Variants in ADIPOQ observed in about 807,000 individuals in gnomAD.
The protein encoded by ADIPOQ is adiponectin, C1Q and collagen domain containing.
A neutral mutation model predicts 16.1 loss-of-function variants in ADIPOQ; 19 were observed. That is an observed-to-expected ratio of 1.18 (90% CI 0.82 to 1.73). ADIPOQ has a LOEUF of 1.73. Ranked by LOEUF, ADIPOQ falls within the 40% of genes most tolerant of loss-of-function variation. ADIPOQ has a pLI of 0.00. For missense variants in ADIPOQ, 323 were observed against 308.3 expected, an observed-to-expected ratio of 1.05 and a Z score of -0.36; for synonymous variants, 124 against 125.5, an observed-to-expected ratio of 0.99 and a Z score of 0.08.
rs1037240164 is a variant in ADIPOQ, at chr3:186,845,110, G to T, written c.-9+2361G>T. Among the ~76,000 whole-genome samples, 9 of 151,604 alleles carry T rather than the reference G, an allele frequency of 5.9e-5. No individual in the cohort carries two copies. In the South Asian group the frequency reaches 6.3e-4, roughly 11 times the overall value. ...CATTTGGATGGGTGTGTATGTGTGGGGGGGGGTGGTGCGTACGTATGTGGA... is the reference window on the plus strand; with the variant it reads ...CATTTGGATGGGTGTGTATGTGTGGTGGGGGGTGGTGCGTACGTATGTGGA... On this transcript the variant is annotated intron_variant, in intron 1 of 2. Transcript: ENST00000320741.
intron 1 of ADIPOQ, among the ~76,000 whole-genome samples, chr3:186,849,184 C>T (rs906736533): frequency 1.3e-5 from 2 of 152,226 alleles, no homozygotes; most frequent in African/African-American, 2.4e-5. Flanking sequence ...ATCTCTGGGG[C>T]TTTCACATAT....
chr3:186,843,732 G>A (rs1477130319), intron 1 of ADIPOQ, among the ~76,000 whole-genome samples: 2 of 151,432 alleles, frequency 1.3e-5, no homozygotes, highest in Non-Finnish European at 2.9e-5. Context: ...CTGGCATATA[G>A]TGGCAACTTA....
intron 1 of ADIPOQ, among the ~76,000 whole-genome samples, chr3:186,844,264 C>CA (rs1012609687): frequency 6.6e-6 from 1 of 152,100 alleles, no homozygotes; most frequent in East Asian, 1.9e-4. Flanking sequence ...TCTCCTGCCT[C>CA]AGTCTCCCAA....
At chr3:186,853,413 T>C in intron 2 of ADIPOQ, 141 bp downstream of exon 2, 1 of 1,115,678 alleles carries the variant, frequency 9.0e-7, no homozygotes, top group Non-Finnish European at 1.3e-6. Flanking sequence ...CTGAAGTGAT[T>C]TGGGGTTGGT....
chr3:186,854,324 T>C lies in ADIPOQ; in HGVS notation c.355T>C (p.Leu119=), dbSNP rs146386537. ...ATACCGCTCAGCATTCAGTGTGGGA[T>C]TGGAGACTTACGTTACTATCCCCAA... The part of the protein sequence containing the change: ...YVYRSAFSVG[L]ETYVTIPNMP... Residue 119 remains leucine (L), a synonymous_variant, in exon 3 of 3, where the codon TTG becomes CTG. Transcript: ENST00000320741. 57 of 1,614,192 alleles carry C rather than the reference T, an allele frequency of 3.5e-5. No individual in the cohort carries two copies. Among genetic ancestry groups the C allele is most frequent in the Non-Finnish European group, 4.4e-5 (52 of 1,180,018 alleles).
chr3:186,844,511 CAA>C (rs33955672), intron 1 of ADIPOQ, among the ~76,000 whole-genome samples: 17,693 of 122,320 alleles, frequency 0.14, 1,402 homozygotes, highest in East Asian at 0.26. Flanking sequence ...AACTCCATCT[CAA>C]AAAAAAAAAA....
In ADIPOQ at chr3:186,851,524, GGCTTTT is replaced by G. The variant is rs1164330157; in HGVS notation, c.-8-1525_-8-1520del. ...TCAAAGAATGATTTTGAGACAGGGA[GGCTTTT>G]GACTACCTGTGCCACTTGAGCTCTT... On this transcript the variant is annotated intron_variant, in intron 1 of 2. Coordinates refer to ENST00000320741, the MANE Select transcript of ADIPOQ (RefSeq NM_004797.4). 9.2e-5 allele frequency among the ~76,000 whole-genome samples: 14 copies of G among 152,174 alleles called. No homozygotes were observed. The East Asian group carries it at 2.7e-3, about 29-fold the overall frequency.
In ADIPOQ at chr3:186,843,626, A is replaced by G. The variant is rs558701297; in HGVS notation, c.-9+877A>G. Among the ~76,000 whole-genome samples the G allele has an allele frequency of 2.3e-4, 33 of 143,936 alleles. No homozygotes were observed. In the Admixed American group the frequency reaches 2.4e-3, roughly 10 times the overall value. 94.4% of individuals were successfully genotyped at this position (143,936 alleles called of 152,430 possible). On this transcript the variant is annotated intron_variant, in intron 1 of 2. Transcript: ENST00000320741. The stretch of plus-strand genomic sequence containing the variant: ...AGTGAGCCGAGATTGTTGCCACTGC[A>G]TTCCAGCCTGGGTGACAGAGCGAGA...
At chr3:186,848,077 G>C (rs187318507) in intron 1 of ADIPOQ, among the ~76,000 whole-genome samples, 353 of 152,074 alleles carry the variant, frequency 2.3e-3, no homozygotes, top group African/African-American at 8.1e-3. Context: ...GGAGGGTGAG[G>C]CAGGAGCATC....
chr3:186,855,064 C>T lies in ADIPOQ; in HGVS notation c.*360C>T, dbSNP rs1711946724. On this transcript the variant is annotated 3_prime_UTR_variant, in exon 3 of 3. Coordinates refer to ENST00000320741, the MANE Select transcript of ADIPOQ (RefSeq NM_004797.4). ...GAGGCTGAGAGAGTTAAGTGAATGT[C>T]TAAGGTCACACAGTATTAAGTGACA... 1 of 306,930 alleles carries T rather than the reference C, an allele frequency of 3.3e-6. No individual in the cohort carries two copies. Among genetic ancestry groups the T allele is most frequent in the Non-Finnish European group, 6.2e-6 (1 of 160,008 alleles). 19.0% of individuals were successfully genotyped at this position (306,930 alleles called of 1,614,324 possible).
At chr3:186,844,950 A>G (rs1352838260) in intron 1 of ADIPOQ, among the ~76,000 whole-genome samples, 2 of 152,216 alleles carry the variant, frequency 1.3e-5, no homozygotes, top group Non-Finnish European at 2.9e-5. Context: ...ACTTTCAATC[A>G]GGAATTTCAA....
intron 1 of ADIPOQ, among the ~76,000 whole-genome samples, chr3:186,845,123 G>A (rs540849762): frequency 9.9e-5 from 15 of 151,678 alleles, no homozygotes; most frequent in Admixed American, 1.3e-4. Context: ...GGGGTGGTGC[G>A]TACGTATGTG....
At position 186,857,180 on chromosome 3, in the gene ADIPOQ, G is replaced by C. The variant is rs996986608; in HGVS notation, c.*2476G>C. ...CTCTTTCCCAGATGCCCCAGCAAGT[G>C]TAACCTTGCATCTCATTGCTCTGGC... On this transcript the variant is annotated 3_prime_UTR_variant, in exon 3 of 3. Transcript: ENST00000320741. The C allele has an allele frequency of 1.3e-5, 2 of 152,340 alleles. No homozygotes were observed. The highest frequency in any genetic ancestry group is 2.9e-5 in the Non-Finnish European group (2 of 68,036). The allele number at this position is 152,340 out of a possible 1,614,324, so 9.4% of individuals were successfully genotyped here. A position where few individuals can be genotyped will look rare whatever the true frequency, so the allele number is the denominator to read the frequency against.
intron 2 of ADIPOQ, 42 bp downstream of exon 2, chr3:186,853,314 C>T (rs992775884): frequency 3.2e-6 from 5 of 1,542,172 alleles, no homozygotes; most frequent in Middle Eastern, 1.7e-4. Flanking sequence ...ACCTCCTACA[C>T]TGATATAAAC....
At position 186,853,249 on chromosome 3, in the gene ADIPOQ, A is replaced by G. The variant is rs147185738; in HGVS notation, c.191A>G (p.Glu64Gly). The G allele has an allele frequency of 6.3e-5, 101 of 1,608,306 alleles. No individual in the cohort carries two copies. Among genetic ancestry groups the G allele is most frequent in the Non-Finnish European group, 8.2e-5 (97 of 1,177,306 alleles). The change falls in exon 2 of 3, where the codon GAG becomes GGG. Residue 64 changes from glutamate (E) to glycine (G), a missense_variant. Glu to Gly is a moderately conservative substitution (Grantham distance 98). Coordinates refer to ENST00000320741, the MANE Select transcript of ADIPOQ (RefSeq NM_004797.4). ...GATGGCAGAGATGGCACCCCTGGTGAGAAGGGTGAGAAAGGAGATCCAGGT... is the reference window on the plus strand; with the variant it reads ...GATGGCAGAGATGGCACCCCTGGTGGGAAGGGTGAGAAAGGAGATCCAGGT... ...GRDGRDGTPG[E>G]KGEKGDPGLI...
intron 1 of ADIPOQ, chr3:186,852,212 C>G (rs546414425): frequency 1.6e-4 from 24 of 152,466 alleles, no homozygotes; most frequent in East Asian, 7.7e-4. Context: ...GACACAGACC[C>G]AAACCATATT....
At chr3:186,843,553 G>A (rs949958037) in intron 1 of ADIPOQ, among the ~76,000 whole-genome samples, 5 of 152,060 alleles carry the variant, frequency 3.3e-5, no homozygotes, top group Non-Finnish European at 5.9e-5. Context: ...CCAGCTTCTC[G>A]GGAGGCTGAG....
intron 1 of ADIPOQ, among the ~76,000 whole-genome samples, chr3:186,850,214 G>A (rs761990415): frequency 6.9e-6 from 1 of 145,664 alleles, no homozygotes; most frequent in Non-Finnish European, 1.5e-5. Context: ...AGGCTGTAGT[G>A]AGCCGAGATT....
intron 1 of ADIPOQ, among the ~76,000 whole-genome samples, chr3:186,851,184 G>T (rs1711754787): frequency 6.6e-6 from 1 of 152,136 alleles, no homozygotes; most frequent in Non-Finnish European, 1.5e-5. Context: ...TAATCTAGAA[G>T]AGACAAGCAA....
Sources: allele counts gnomAD v4.1 joint callset (sites outside exome capture counted in the v4.1 genomes callset), GRCh38; gene constraint gnomAD v4.1.1; transcripts MANE v1.5; gene names NCBI Gene and HGNC (gene_info 2026-07-23, HGNC 2026-07-21).